CLEC18B: variants seen among roughly 807,000 people sequenced by gnomAD.
CLEC18B encodes the protein C-type lectin domain family 18 member B.
CLEC18B carries 5 observed loss-of-function variants against 60.4 expected under a neutral mutation model. That is an observed-to-expected ratio of 0.08 (90% CI 0.04 to 0.17). CLEC18B has a LOEUF of 0.17. Among genes scored for constraint, CLEC18B ranks in the 10% least tolerant of loss-of-function variants. The pLI is 1.00. For synonymous variants in CLEC18B, 16 were observed against 221.2 expected, an observed-to-expected ratio of 0.07 and a Z score of 8.23; for missense variants, 26 against 572.8, an observed-to-expected ratio of 0.05 and a Z score of 9.74.
chr16:74,420,045 C>T (rs1158073233), intron 2 of CLEC18B, among the ~76,000 whole-genome samples: 13 of 152,272 alleles, frequency 8.5e-5, no homozygotes, highest in Non-Finnish European at 1.6e-4. Flanking sequence ...GGGCAAGGCC[C>T]GTCCTAGTGG....
chr16:74,422,109 C>T (rs1190409104), upstream of CLEC18B: 5 of 148,814 alleles, frequency 3.4e-5, no homozygotes, highest in Admixed American at 6.8e-5. Flanking sequence ...GCTGGGATCA[C>T]GTCCGCCTCT....
chr16:74,414,446 G>A (rs1377599011), intron 3 of CLEC18B, among the ~76,000 whole-genome samples: 1 of 151,328 alleles, frequency 6.6e-6, no homozygotes. Flanking sequence ...TGCCACAGAA[G>A]TGATACTGAG....
At chr16:74,411,201 C>T (rs1296373864) in intron 8 of CLEC18B, among the ~76,000 whole-genome samples, 167 bp from the exon 9 acceptor site, 10 of 152,348 alleles carry the variant, frequency 6.6e-5, no homozygotes, top group Non-Finnish European at 1.5e-4. Context: ...CTTCTGCTCC[C>T]GTCTGCTTCT....
intron 11 of CLEC18B, 21 bp from the exon 12 acceptor site, chr16:74,409,064 GC>G (rs2012997712): frequency 1.3e-6 from 2 of 1,538,372 alleles, no homozygotes; most frequent in Admixed American, 3.6e-5. Flanking sequence ...GCAGAAGAGA[GC>G]AGGGCTCGAT....
chr16:74,420,856 C>T (rs1259872636), intron 1 of CLEC18B, among the ~76,000 whole-genome samples: 1 of 117,680 alleles, frequency 8.5e-6, no homozygotes, highest in Non-Finnish European at 1.8e-5. Flanking sequence ...CCCGCAGGCC[C>T]CTGTCTGGGG....
intron 10 of CLEC18B, among the ~76,000 whole-genome samples, chr16:74,410,333 C>G (rs1186485882): frequency 2.0e-5 from 3 of 152,362 alleles, no homozygotes; most frequent in East Asian, 1.9e-4. Flanking sequence ...CTCTCTCCCC[C>G]ACGTGACGTG....
At chr16:74,424,167 A>T (rs1034009445), upstream of CLEC18B, among the ~76,000 whole-genome samples, 1 of 149,570 alleles carries the variant, frequency 6.7e-6, no homozygotes, top group Non-Finnish European at 1.5e-5. Flanking sequence ...CCCAGTCTGC[A>T]TTTGAAGGTT....
chr16:74,420,121 G>A lies in CLEC18B; in HGVS notation c.216+380C>T, dbSNP rs1460668764. ...CAGAAGCCCCTCCCCAGCCCAGCAC[G>A]ACCTTCTCCCTCCCTGGCCCGGCCG... On this transcript the variant is annotated intron_variant, in intron 2 of 11. Transcript: ENST00000682950. Among the ~76,000 whole-genome samples, 7 of 151,988 alleles carry A rather than the reference G, an allele frequency of 4.6e-5. No homozygotes were observed. In the East Asian group the frequency reaches 9.8e-4, roughly 21 times the overall value.
At chr16:74,422,099 G>C (rs1234813858), upstream of CLEC18B, 5 of 148,428 alleles carry the variant, frequency 3.4e-5, no homozygotes. Flanking sequence ...CTCCAGTCCT[G>C]CTGGGATCAC....
chr16:74,423,703 A>C (rs2013754841), upstream of CLEC18B, among the ~76,000 whole-genome samples: 1 of 49,334 alleles, frequency 2.0e-5, no homozygotes. Context: ...CCGACCCCTC[A>C]AAAAAAAAAA....
intron 3 of CLEC18B, among the ~76,000 whole-genome samples, chr16:74,415,993 G>A (rs2013398035): frequency 2.0e-5 from 3 of 152,270 alleles, no homozygotes; most frequent in Admixed American, 1.3e-4. Flanking sequence ...GGGCACAGTG[G>A]CTCACGCCTG....
intron 3 of CLEC18B, among the ~76,000 whole-genome samples, chr16:74,416,730 AT>A (rs1567433193): frequency 7.0e-6 from 1 of 142,768 alleles, no homozygotes; most frequent in African/African-American, 2.6e-5. Flanking sequence ...GGTATTAAAT[AT>A]TTCCTGGGAT....
At chr16:74,419,350 C>T (rs1248062274) in intron 2 of CLEC18B, among the ~76,000 whole-genome samples, 2 of 151,348 alleles carry the variant, frequency 1.3e-5, no homozygotes, top group African/African-American at 4.9e-5. Flanking sequence ...CTGGGGGCTC[C>T]CCGGGGTCCC....
chr16:74,414,513 C>T (rs2013338232), intron 3 of CLEC18B, among the ~76,000 whole-genome samples: 2 of 147,226 alleles, frequency 1.4e-5, no homozygotes, highest in Non-Finnish European at 3.0e-5. Context: ...TCTCATAGAA[C>T]CATGCTCAGT....
chr16:74,416,094 A>G (rs1486139399), intron 3 of CLEC18B, among the ~76,000 whole-genome samples: 1 of 151,618 alleles, frequency 6.6e-6, no homozygotes, highest in Non-Finnish European at 1.5e-5. Flanking sequence ...CCCTGTCTCT[A>G]CTAAACAAAA....
chr16:74,410,239 G>A, intron 10 of CLEC18B, among the ~76,000 whole-genome samples: 1 of 152,304 alleles, frequency 6.6e-6, no homozygotes, highest in East Asian at 1.9e-4. Context: ...GCAGAGGGAG[G>A]GGTGAGTGGA....
At position 74,419,496 on chromosome 16, in the gene CLEC18B, CT is replaced by C. The variant is rs2013578341; in HGVS notation, c.216+1004del. Among the ~76,000 whole-genome samples the C allele has an allele frequency of 2.7e-5, 4 of 150,176 alleles. No individual in the cohort carries two copies. In the East Asian group the frequency reaches 7.9e-4, roughly 30 times the overall value. On this transcript the variant is annotated intron_variant, in intron 2 of 11. Transcript: ENST00000682950. Reference sequence around the variant, plus strand: ...CTGAGCCATGGAGCTCCATTTGCACCTTTATGGAAATGAAGTTTTCTAAGAC... The same window carrying C: ...CTGAGCCATGGAGCTCCATTTGCACCTTATGGAAATGAAGTTTTCTAAGAC...
In CLEC18B at chr16:74,413,627, G is replaced by A. The variant is rs1440210538; in HGVS notation, c.506C>T (p.Ser169Phe). Reference sequence around the variant, plus strand: ...GGCTTCTATCGCTGTCTGGCCTGCAGAGCACAGGTGCCGCCCACAGCCCAG... The same window carrying A: ...GGCTTCTATCGCTGTCTGGCCTGCAAAGCACAGGTGCCGCCCACAGCCCAG... ...SQLGCGRHLC[S>F]AGQTAIEAFV... Residue 169 changes from serine to phenylalanine, a missense_variant, in exon 4 of 12, where the codon TCT (serine) becomes TTT (phenylalanine). Coordinates refer to ENST00000682950, the MANE Select transcript of CLEC18B (RefSeq NM_001385193.1). The A allele has an allele frequency of 6.2e-7, 1 of 1,613,954 alleles. No homozygotes were observed. The highest frequency in any genetic ancestry group is 2.2e-5 in the East Asian group (1 of 44,908).
At chr16:74,410,161 G>C (rs1187717673) in intron 10 of CLEC18B, among the ~76,000 whole-genome samples, 1 of 152,296 alleles carries the variant, frequency 6.6e-6, no homozygotes, top group Non-Finnish European at 1.5e-5. Flanking sequence ...GTTGTATTGT[G>C]AATGAGTGCA....
Sources: gnomAD v4.1 joint callset for allele counts (sites outside exome capture counted in the v4.1 genomes callset) on GRCh38, gnomAD v4.1.1 for gene constraint, MANE v1.5 for transcripts, NCBI Gene and HGNC (gene_info 2026-07-23, HGNC 2026-07-21) for gene names.